SORL1: variants seen among roughly 807,000 people sequenced by gnomAD.
SORL1 encodes sortilin related receptor 1, also known as sortilin-related receptor.
SORL1 carries 127 observed loss-of-function variants against 273.7 expected under a neutral mutation model. That is an observed-to-expected ratio of 0.46 (90% CI 0.40 to 0.54). SORL1 has a LOEUF of 0.54. SORL1 is among the 20% of genes least tolerant of loss of function. The probability of loss-of-function intolerance (pLI) is 0.00; values close to 1 mark genes in which losing one functional copy is unlikely to be tolerated. For missense variants in SORL1, 2,494 were observed against 2,846.1 expected, an observed-to-expected ratio of 0.88 and a Z score of 2.81; for synonymous variants, 1,031 against 1,067.4, an observed-to-expected ratio of 0.97 and a Z score of 0.66.
At chr11:121,490,472 G>A (rs78495298) in intron 5 of SORL1, among the ~76,000 whole-genome samples, 4,139 of 152,218 alleles carry the variant, frequency 0.027, 301 homozygotes, top group East Asian at 0.19. Flanking sequence ...GGGTGCAGTG[G>A]CTCACGCCTG....
At position 121,627,754 on chromosome 11, in the gene SORL1, T is replaced by C; in HGVS notation, c.6564T>C (p.Ser2188=). 6.2e-7 allele frequency: 1 copy of C among 1,613,434 alleles called. No individual in the cohort carries two copies. The highest frequency in any genetic ancestry group is 8.5e-7 in the Non-Finnish European group (1 of 1,179,712). Residue 2188 remains serine, a synonymous_variant, in exon 47 of 48, where the codon TCT becomes TCC. Transcript: ENST00000260197. The surrounding 1 kb of genome is among the most constrained non-coding windows in gnomAD (Gnocchi z 4.9). Reference sequence around the variant, plus strand: ...GGCTGGGGTCCGCAATCTTCTCCTCTGGGGATGACCTGGGTAAGTGGGGCA... The same window carrying C: ...GGCTGGGGTCCGCAATCTTCTCCTCCGGGGATGACCTGGGTAAGTGGGGCA... ...SSRLGSAIFS[S]GDDLGEDDED... is the part of the protein sequence containing the mutation.
At chr11:121,589,055 C>T (rs117107826) in intron 28 of SORL1, among the ~76,000 whole-genome samples, 3,428 of 152,278 alleles carry the variant, frequency 0.023, 73 homozygotes, top group South Asian at 0.039. Context: ...TAACACGACT[C>T]GGTAAAGATT....
chr11:121,619,684 A>C (rs895766097), intron 42 of SORL1, 69 bp from the exon 43 acceptor site: 2 of 1,202,312 alleles, frequency 1.7e-6, no homozygotes, highest in South Asian at 3.1e-5. Context: ...TTTGTTGAAA[A>C]AATACTTTAA....
chr11:121,576,277 C>G (rs1862929614), intron 24 of SORL1, among the ~76,000 whole-genome samples: 1 of 152,206 alleles, frequency 6.6e-6, no homozygotes, highest in African/African-American at 2.4e-5. Flanking sequence ...GGGCCTGTTC[C>G]TCATAGATGG....
chr11:121,466,941 G>C (rs187914870), intron 1 of SORL1, among the ~76,000 whole-genome samples: 9 of 151,664 alleles, frequency 5.9e-5, no homozygotes, highest in African/African-American at 2.2e-4. Flanking sequence ...AATAAAAAAA[G>C]CTTTCCTTAA....
At chr11:121,531,733 G>T (rs1862204869) in intron 11 of SORL1, among the ~76,000 whole-genome samples, 1 of 152,184 alleles carries the variant, frequency 6.6e-6, no homozygotes, top group Non-Finnish European at 1.5e-5. Context: ...CACTTCAGGG[G>T]TTAGGCTGCG....
chr11:121,508,875 G>T (rs1861827662), intron 6 of SORL1, among the ~76,000 whole-genome samples: 2 of 152,146 alleles, frequency 1.3e-5, no homozygotes. Context: ...TTATGGATAA[G>T]TATATTTTTA....
At chr11:121,538,183 A>AT (rs11399955) in intron 12 of SORL1, among the ~76,000 whole-genome samples, 138,058 of 146,684 alleles carry the variant, frequency 0.94, 65,111 homozygotes, top group Non-Finnish European at 0.99. Context: ...GGTGGCTCCT[A>AT]TTTTTTTTTT....
intron 27 of SORL1, among the ~76,000 whole-genome samples, chr11:121,586,696 G>GGGA (rs1863117766): frequency 1.6e-4 from 2 of 12,126 alleles, no homozygotes; most frequent in Non-Finnish European, 7.9e-4. Flanking sequence ...GGTAGAGTGG[G>GGGA]GGGGGGGGCG....
Position 121,538,266 on chromosome 11 carries a change from G to C in SORL1, c.1686-5282G>C, listed in dbSNP as rs182610777. On this transcript the variant is annotated intron_variant, in intron 12 of 47. Coordinates refer to ENST00000260197, the MANE Select transcript of SORL1 (RefSeq NM_003105.6). ...CTACACCATTTAATCAGTTCTGAAG[G>C]GTGCATGTCAAGATGTAGAGTATTT... Among the ~76,000 whole-genome samples the C allele has an allele frequency of 3.3e-4, 50 of 151,888 alleles. No homozygotes were observed. The East Asian group carries it at 7.7e-3, about 23-fold the overall frequency.
At chr11:121,557,056 C>T in intron 18 of SORL1, 2 of 518,098 alleles carry the variant, frequency 3.9e-6, no homozygotes, top group Non-Finnish European at 6.9e-6. Context: ...TTGTCCAGAT[C>T]ATCATGCCCT....
chr11:121,470,811 G>A (rs915974431), intron 2 of SORL1, among the ~76,000 whole-genome samples: 10 of 152,142 alleles, frequency 6.6e-5, no homozygotes. Context: ...CAGAGTAGCA[G>A]GAACTACAGG....
chr11:121,561,704 A>C (rs1862678962), intron 21 of SORL1, among the ~76,000 whole-genome samples: 1 of 150,782 alleles, frequency 6.6e-6, no homozygotes, highest in African/African-American at 2.4e-5. Flanking sequence ...AAAAAAAAAA[A>C]AAAGGCTGGG....
intron 26 of SORL1, among the ~76,000 whole-genome samples, chr11:121,585,369 G>C (rs1404210985): frequency 6.6e-6 from 1 of 152,082 alleles, no homozygotes; most frequent in African/African-American, 2.4e-5. Context: ...TGTGGTCCCA[G>C]CTACTCAGGA....
chr11:121,457,763 G>A (rs1220289187), intron 1 of SORL1, among the ~76,000 whole-genome samples: 2 of 152,314 alleles, frequency 1.3e-5, no homozygotes, highest in Admixed American at 1.3e-4. Flanking sequence ...GTGGAGTCCA[G>A]GCTTGTAAGA....
chr11:121,558,843 T>G lies in SORL1; in HGVS notation c.2910+6T>G. On this transcript the variant is annotated splice_donor_region_variant and intron_variant, in intron 20 of 47. Transcript: ENST00000260197. ...ATGCCATTGCTGTCTTTAAGGTGAGTCCATTTGTTGCTGCCGGACAGTCTG... is the reference window on the plus strand; with the variant it reads ...ATGCCATTGCTGTCTTTAAGGTGAGGCCATTTGTTGCTGCCGGACAGTCTG... 1 of 1,613,940 alleles carries G rather than the reference T, an allele frequency of 6.2e-7. No homozygotes were observed. The highest frequency in any genetic ancestry group is 8.5e-7 in the Non-Finnish European group (1 of 1,179,908).
chr11:121,550,141 C>T lies in SORL1; in HGVS notation c.2180+53C>T, dbSNP rs958941014. On this transcript the variant is annotated intron_variant, in intron 15 of 47. Coordinates refer to ENST00000260197, the MANE Select transcript of SORL1 (RefSeq NM_003105.6). This position sits in a 1 kb window ranked among gnomAD's most constrained non-coding sequence, Gnocchi z 5.3. ...GGTTCTCAGCGGTCCGCACATGGAG[C>T]GAGAGAGCATAGAGGACCGTCTGGA... 1.0e-5 allele frequency: 16 copies of T among 1,573,686 alleles called. No homozygotes were observed. The highest frequency in any genetic ancestry group is 1.3e-5 in the Non-Finnish European group (15 of 1,157,516).
intron 23 of SORL1, among the ~76,000 whole-genome samples, chr11:121,572,766 A>T (rs1862862232): frequency 6.6e-6 from 1 of 152,034 alleles, no homozygotes; most frequent in Admixed American, 6.5e-5. Flanking sequence ...TCTTACACAG[A>T]TTCCTCTAGC....
intron 22 of SORL1, among the ~76,000 whole-genome samples, chr11:121,568,963 T>C (rs1862794330): frequency 6.6e-6 from 1 of 152,168 alleles, no homozygotes; most frequent in Admixed American, 6.5e-5. Flanking sequence ...TTGTGGGAAG[T>C]CCGGGACCCC....
Sources: allele counts gnomAD v4.1 joint callset (sites outside exome capture counted in the v4.1 genomes callset), GRCh38; gene constraint gnomAD v4.1.1; non-coding constraint Gnocchi (gnomAD v3.1); transcripts MANE v1.5; gene names NCBI Gene and HGNC (gene_info 2026-07-23, HGNC 2026-07-21).